SNTG2: variants seen among roughly 807,000 people sequenced by gnomAD.
SNTG2 encodes gamma-2-syntrophin.
SNTG2 carries 74 observed loss-of-function variants against 70.9 expected under a neutral mutation model. The ratio of observed to expected loss-of-function variants is 1.04; its 90% CI spans 0.86 to 1.27. SNTG2 has a LOEUF of 1.27. Ranked by LOEUF, SNTG2 falls within the 50% of genes most tolerant of loss-of-function variation. SNTG2 has a pLI of 0.00. For missense variants in SNTG2, 717 were observed against 690.7 expected (o/e 1.04, Z -0.43); for synonymous variants, 278 against 273.8 (o/e 1.02, Z -0.15).
chr2:967,541 C>G (rs572656412), intron 1 of SNTG2, among the ~76,000 whole-genome samples: 6 of 152,148 alleles, frequency 3.9e-5, no homozygotes, highest in Non-Finnish European at 5.9e-5. Flanking sequence ...ACCTTACATT[C>G]TAGAGATAAA....
chr2:1,044,244 A>T (rs1338618486), intron 1 of SNTG2, among the ~76,000 whole-genome samples: 1 of 152,004 alleles, frequency 6.6e-6, no homozygotes, highest in Non-Finnish European at 1.5e-5. Context: ...CTAATTTTGC[A>T]CATTGATTTT....
intron 15 of SNTG2, among the ~76,000 whole-genome samples, chr2:1,309,676 C>T (rs575601717): frequency 8.5e-5 from 13 of 152,354 alleles, no homozygotes; most frequent in East Asian, 5.8e-4. Context: ...ACTTCCTTTA[C>T]GGAATTCCAG....
At chr2:1,035,343 TTGTC>T (rs973650786) in intron 1 of SNTG2, among the ~76,000 whole-genome samples, 2 of 152,182 alleles carry the variant, frequency 1.3e-5, no homozygotes, top group Non-Finnish European at 2.9e-5. Context: ...CTGGCAATGA[TTGTC>T]TGTAACTGAT....
intron 9 of SNTG2, among the ~76,000 whole-genome samples, chr2:1,228,880 C>T (rs940752300): frequency 6.6e-6 from 1 of 152,078 alleles, no homozygotes. Context: ...GAGTTTCTTC[C>T]TTCTGGTGGG....
In SNTG2 at chr2:1,105,149, C is replaced by T. The variant is rs118030771; in HGVS notation, c.325+6739C>T. On this transcript the variant is annotated intron_variant, in intron 4 of 16. Coordinates refer to ENST00000308624, the MANE Select transcript of SNTG2 (RefSeq NM_018968.4). Reference sequence around the variant, plus strand: ...GGGGTTCCATTCGCTGAGAGCAACACACTCTGCCCTCTGCTGAACCATGGG... The same window carrying T: ...GGGGTTCCATTCGCTGAGAGCAACATACTCTGCCCTCTGCTGAACCATGGG... Among the ~76,000 whole-genome samples the T allele has an allele frequency of 2.4e-3, 365 of 152,264 alleles. 11 individuals carry two copies. The East Asian group carries it at 0.046, about 19-fold the overall frequency.
chr2:1,237,811 C>T, intron 9 of SNTG2, 77 bp from the exon 10 acceptor site: 4 of 1,514,082 alleles, frequency 2.6e-6, no homozygotes, highest in Non-Finnish European at 3.6e-6. Flanking sequence ...CCCTGCTGAG[C>T]ATCAGCCTCG....
In SNTG2 at chr2:1,352,386, T is replaced by C. The variant is rs117718999; in HGVS notation, c.1489-14957T>C. Among the ~76,000 whole-genome samples, 39 of 152,122 alleles carry C rather than the reference T, an allele frequency of 2.6e-4. No individual in the cohort carries two copies. The East Asian group carries it at 7.4e-3, about 29-fold the overall frequency. On this transcript the variant is annotated intron_variant, in intron 16 of 16. Transcript: ENST00000308624. ...AGGCCCCTCTGCCCCCTGAGCTCCTTTGGACTGGGATGCAGGCCCCTCTGC... is the reference window on the plus strand; with the variant it reads ...AGGCCCCTCTGCCCCCTGAGCTCCTCTGGACTGGGATGCAGGCCCCTCTGC...
At chr2:1,011,891 C>T (rs1349709401) in intron 1 of SNTG2, among the ~76,000 whole-genome samples, 1 of 152,178 alleles carries the variant, frequency 6.6e-6, no homozygotes, top group Non-Finnish European at 1.5e-5. Flanking sequence ...GCATTACACT[C>T]ATTAGGAAAA....
At chr2:1,069,385 G>T (rs1460710081) in intron 1 of SNTG2, among the ~76,000 whole-genome samples, 1 of 151,382 alleles carries the variant, frequency 6.6e-6, no homozygotes, top group African/African-American at 2.4e-5. Flanking sequence ...TCTGAAAGTA[G>T]TCCAACCTGT....
intron 14 of SNTG2, among the ~76,000 whole-genome samples, chr2:1,296,446 G>A (rs1189838796): frequency 6.6e-6 from 1 of 152,240 alleles, no homozygotes; most frequent in Non-Finnish European, 1.5e-5. Context: ...CTGTGCTGGT[G>A]AGCACGCCGC....
intron 14 of SNTG2, among the ~76,000 whole-genome samples, chr2:1,299,840 A>G (rs151062954): frequency 1.5e-3 from 235 of 152,312 alleles, no homozygotes; most frequent in African/African-American, 5.2e-3. Context: ...GGATGAAAGC[A>G]CCATCTCGTG....
At position 1,088,761 on chromosome 2, in the gene SNTG2, G is replaced by A. The variant is rs1664836311; in HGVS notation, c.210+5106G>A. On this transcript the variant is annotated intron_variant, in intron 2 of 16. Coordinates refer to ENST00000308624, the MANE Select transcript of SNTG2 (RefSeq NM_018968.4). ...AGATGTCTTGCTGATTGCCTGGCTGGCTTTAAGTGGGAGGATATCCTTCTT... is the reference window on the plus strand; with the variant it reads ...AGATGTCTTGCTGATTGCCTGGCTGACTTTAAGTGGGAGGATATCCTTCTT... Among the ~76,000 whole-genome samples, 3 of 152,154 alleles carry A rather than the reference G, an allele frequency of 2.0e-5. No homozygotes were observed. The South Asian group carries it at 6.2e-4, about 31-fold the overall frequency.
chr2:1,247,203 C>T (rs899750783), intron 11 of SNTG2, 124 bp from the exon 12 acceptor site: 5 of 603,600 alleles, frequency 8.3e-6, no homozygotes, highest in South Asian at 4.3e-5. Context: ...CTCCACGTTT[C>T]TCCCGTCTCC....
At chr2:1,298,760 T>C (rs939303879) in intron 14 of SNTG2, among the ~76,000 whole-genome samples, 5 of 152,282 alleles carry the variant, frequency 3.3e-5, no homozygotes, top group Non-Finnish European at 7.4e-5. Context: ...GTGAAGGTGT[T>C]GCCAAAGGAG....
intron 1 of SNTG2, among the ~76,000 whole-genome samples, chr2:1,076,791 A>G (rs1663945582): frequency 6.6e-6 from 1 of 152,178 alleles, no homozygotes; most frequent in Admixed American, 6.5e-5. Flanking sequence ...AAAAATCAGG[A>G]CTTAATAAAA....
intron 6 of SNTG2, among the ~76,000 whole-genome samples, chr2:1,150,713 T>TA (rs33948185): frequency 0.94 from 142,741 of 152,208 alleles, 67,048 homozygotes; most frequent in Non-Finnish European, 0.97. Flanking sequence ...AATGTCGTGT[T>TA]AGAGTATAAA....
chr2:1,214,454 T>G (rs1378448955), intron 9 of SNTG2, among the ~76,000 whole-genome samples: 3 of 152,160 alleles, frequency 2.0e-5, no homozygotes, highest in Admixed American at 6.5e-5. Flanking sequence ...TGTACAGATC[T>G]TTCATCTCTT....
chr2:1,074,011 G>T (rs1266813686), intron 1 of SNTG2, among the ~76,000 whole-genome samples: 1 of 152,198 alleles, frequency 6.6e-6, no homozygotes, highest in Non-Finnish European at 1.5e-5. Context: ...ACAAGATAAA[G>T]ATGTTGGATG....
intron 4 of SNTG2, among the ~76,000 whole-genome samples, chr2:1,100,655 C>G (rs1201710704): frequency 6.6e-6 from 1 of 152,166 alleles, no homozygotes; most frequent in African/African-American, 2.4e-5. Context: ...TGTTGCACCC[C>G]TGAAGCCATC....
Sources: gnomAD v4.1 joint callset for allele counts (sites outside exome capture counted in the v4.1 genomes callset) on GRCh38, gnomAD v4.1.1 for gene constraint, MANE v1.5 for transcripts, NCBI Gene and HGNC (gene_info 2026-07-23, HGNC 2026-07-21) for gene names.